NR3C2: variants seen among roughly 807,000 people sequenced by gnomAD.
The protein encoded by NR3C2 is nuclear receptor subfamily 3 group C member 2.
NR3C2 carries 15 observed loss-of-function variants against 86.4 expected under a neutral mutation model. The ratio of observed to expected loss-of-function variants is 0.17; its 90% CI spans 0.12 to 0.27. The LOEUF is 0.27. Ranked by LOEUF, NR3C2 falls within the 10% of genes least tolerant of loss-of-function variation. The pLI, the probability that NR3C2 is intolerant of heterozygous loss-of-function variation, is 1.00. For missense variants in NR3C2, 960 were observed against 1,195.6 expected, an observed-to-expected ratio of 0.80 and a Z score of 2.91; for synonymous variants, 458 against 450.5, an observed-to-expected ratio of 1.02 and a Z score of -0.21.
chr4:148,103,801 T>C (rs1167733915), intron 8 of NR3C2, among the ~76,000 whole-genome samples: 1 of 152,090 alleles, frequency 6.6e-6, no homozygotes, highest in Non-Finnish European at 1.5e-5. Context: ...TACGCGGAGT[T>C]ACATATTCCA....
At chr4:148,295,928 T>G (rs958071463) in intron 2 of NR3C2, among the ~76,000 whole-genome samples, 2 of 151,388 alleles carry the variant, frequency 1.3e-5, no homozygotes, top group African/African-American at 4.8e-5. Flanking sequence ...ATTGCATTTT[T>G]TATTACAGAG....
chr4:148,304,732 T>A (rs1479217073), intron 2 of NR3C2, among the ~76,000 whole-genome samples: 1 of 152,124 alleles, frequency 6.6e-6, no homozygotes, highest in Non-Finnish European at 1.5e-5. Context: ...GGGCCTTGTC[T>A]GGGTGTGCCT....
intron 2 of NR3C2, among the ~76,000 whole-genome samples, chr4:148,359,258 A>T (rs1265628821): frequency 6.6e-6 from 1 of 151,974 alleles, no homozygotes; most frequent in African/African-American, 2.4e-5. Flanking sequence ...CCTTGCCCTC[A>T]CCATGGGTTT....
chr4:148,169,821 T>A (rs1255456397), intron 4 of NR3C2, among the ~76,000 whole-genome samples: 2 of 152,236 alleles, frequency 1.3e-5, no homozygotes, highest in African/African-American at 2.4e-5. Flanking sequence ...CTGCCCAAAG[T>A]ACACATGGCA....
chr4:148,246,628 C>T (rs142822989), intron 3 of NR3C2, among the ~76,000 whole-genome samples: 3,297 of 152,134 alleles, frequency 0.022, 50 homozygotes, highest in Non-Finnish European at 0.031. Flanking sequence ...CTCGGCTCAC[C>T]GCAACCTCTG....
intron 3 of NR3C2, among the ~76,000 whole-genome samples, chr4:148,240,416 T>C (rs1738969407): frequency 6.6e-6 from 1 of 151,988 alleles, no homozygotes; most frequent in East Asian, 1.9e-4. Context: ...AGTGCATGTT[T>C]CAAGTATTTT....
chr4:148,327,224 G>C (rs933652415), intron 2 of NR3C2, among the ~76,000 whole-genome samples: 21 of 152,052 alleles, frequency 1.4e-4, no homozygotes, highest in Non-Finnish European at 2.4e-4. Context: ...ATGATTAGTG[G>C]TACAATGCAG....
In NR3C2 at chr4:148,416,997, G is replaced by A. The variant is rs544414825; in HGVS notation, c.1757+18107C>T. 1.8e-3 allele frequency among the ~76,000 whole-genome samples: 280 copies of A among 152,068 alleles called. 1 individual carries two copies. The highest frequency in any genetic ancestry group is 2.9e-3 in the African/African-American group (121 of 41,496). On this transcript the variant is annotated intron_variant, in intron 2 of 8. Coordinates refer to ENST00000358102, the MANE Select transcript of NR3C2 (RefSeq NM_000901.5). Reference sequence around the variant, plus strand: ...TCACCATGTTGGCCAGGCTGGTCTCGAACTGCTGACCTCAGGTGATCCACC... The same window carrying A: ...TCACCATGTTGGCCAGGCTGGTCTCAAACTGCTGACCTCAGGTGATCCACC...
intron 4 of NR3C2, among the ~76,000 whole-genome samples, chr4:148,179,936 T>G: frequency 6.6e-6 from 1 of 151,754 alleles, no homozygotes; most frequent in Admixed American, 6.6e-5. Context: ...CCAACTTTAC[T>G]GTTCAAAAGT....
rs555814562 is a variant in NR3C2 at position 148,166,650 on chromosome 4, A to G, written c.2015-11749T>C. On this transcript the variant is annotated intron_variant, in intron 4 of 8. Transcript: ENST00000358102. ...AAAAGGGTCCAAGAGAGGATTTAAG[A>G]AAGTTCTTAATATGTAAGATACCAA... Among the ~76,000 whole-genome samples, 8 of 152,276 alleles carry G rather than the reference A, an allele frequency of 5.3e-5. No homozygotes were observed. The East Asian group carries it at 1.5e-3, about 29-fold the overall frequency.
chr4:148,346,264 G>A (rs1298709526), intron 2 of NR3C2, among the ~76,000 whole-genome samples: 13 of 152,226 alleles, frequency 8.5e-5, no homozygotes, highest in Middle Eastern at 3.4e-3. Flanking sequence ...CAAGAATGAA[G>A]GCAGAAAGAG....
intron 2 of NR3C2, among the ~76,000 whole-genome samples, chr4:148,274,978 A>C (rs533052924): frequency 2.6e-5 from 4 of 152,110 alleles, no homozygotes; most frequent in Non-Finnish European, 5.9e-5. Context: ...GATTACAGGC[A>C]TGAGCCACCG....
At chr4:148,321,836 T>C (rs1445031781) in intron 2 of NR3C2, among the ~76,000 whole-genome samples, 1 of 152,386 alleles carries the variant, frequency 6.6e-6, no homozygotes, top group Admixed American at 6.5e-5. Flanking sequence ...TTATGCAATT[T>C]GCCAGTCTGT....
chr4:148,091,044 G>A (rs1364137627), intron 8 of NR3C2, among the ~76,000 whole-genome samples: 1 of 152,262 alleles, frequency 6.6e-6, no homozygotes, highest in African/African-American at 2.4e-5. Context: ...TGTTGTTGGG[G>A]CGGCTAGGAT....
intron 2 of NR3C2, among the ~76,000 whole-genome samples, chr4:148,262,725 T>C (rs778932292): frequency 6.6e-6 from 1 of 152,168 alleles, no homozygotes; most frequent in Non-Finnish European, 1.5e-5. Flanking sequence ...GATGTTATTA[T>C]ATACAGGGGA....
chr4:148,224,110 G>T (rs1738013385), intron 3 of NR3C2, among the ~76,000 whole-genome samples: 1 of 149,548 alleles, frequency 6.7e-6, no homozygotes, highest in Admixed American at 6.8e-5. Flanking sequence ...GAAGAATAGG[G>T]ATCAGAGAAA....
At chr4:148,388,614 T>A (rs114262945) in intron 2 of NR3C2, among the ~76,000 whole-genome samples, 10,030 of 152,194 alleles carry the variant, frequency 0.066, 396 homozygotes, top group African/African-American at 0.12. Context: ...AGACAGAAAA[T>A]TTTTTAAATG....
At chr4:148,278,718 T>G (rs560777131) in intron 2 of NR3C2, among the ~76,000 whole-genome samples, 1 of 152,138 alleles carries the variant, frequency 6.6e-6, no homozygotes, top group Non-Finnish European at 1.5e-5. Flanking sequence ...TTAAGAAACT[T>G]TGGTGACAAA....
chr4:148,230,857 A>C (rs1738424638), intron 3 of NR3C2, among the ~76,000 whole-genome samples: 1 of 152,236 alleles, frequency 6.6e-6, no homozygotes, highest in African/African-American at 2.4e-5. Flanking sequence ...GTGATTTCCT[A>C]GTATCACATT....
Sources: allele counts gnomAD v4.1 joint callset (sites outside exome capture counted in the v4.1 genomes callset), GRCh38; gene constraint gnomAD v4.1.1; transcripts MANE v1.5; gene names NCBI Gene and HGNC (gene_info 2026-07-23, HGNC 2026-07-21).